Variants in UNC79 observed in about 807,000 individuals in gnomAD.
UNC79 encodes unc-79 subunit of NALCN channel complex.
UNC79 carries 37 observed loss-of-function variants against 283.1 expected under a neutral mutation model. That is an observed-to-expected ratio of 0.13 (90% CI 0.10 to 0.17). UNC79 has a LOEUF of 0.17. UNC79 is among the 10% of genes least tolerant of loss of function. The pLI is 1.00. For synonymous variants in UNC79, 1,107 were observed against 1,200.2 expected (o/e 0.92, Z 1.61); for missense variants, 2,272 against 3,211.1 (o/e 0.71, Z 7.07).
chr14:93,477,591 G>A (rs1439937764), exon 4 of UNC79: 1 of 1,609,010 alleles, frequency 6.2e-7, no homozygotes, highest in Non-Finnish European at 8.5e-7. Context: ...ACAACTACAT[G>A]TTTGCTACCT....
chr14:93,450,948 A>G (rs2056618812), intron 1 of UNC79, among the ~76,000 whole-genome samples: 2 of 151,884 alleles, frequency 1.3e-5, no homozygotes, highest in African/African-American at 4.8e-5. Flanking sequence ...CTTTTGCTGT[A>G]TTTTGGGGAA....
intron 1 of UNC79, among the ~76,000 whole-genome samples, chr14:93,393,572 T>G (rs2054928705): frequency 2.0e-5 from 3 of 152,206 alleles, no homozygotes; most frequent in Non-Finnish European, 4.4e-5. Context: ...GCCATTTTTC[T>G]AGGTGAAATT....
intron 1 of UNC79, among the ~76,000 whole-genome samples, chr14:93,421,675 T>C (rs2055602646): frequency 6.6e-6 from 1 of 150,816 alleles, no homozygotes. Context: ...TAGGCCAATA[T>C]CACTGATGAA....
At chr14:93,543,287 C>G (rs1323975241) in intron 14 of UNC79, among the ~76,000 whole-genome samples, 4 of 151,870 alleles carry the variant, frequency 2.6e-5, no homozygotes, top group Admixed American at 2.6e-4. Context: ...ACAAAATGCA[C>G]CTATTCCTCT....
intron 1 of UNC79, among the ~76,000 whole-genome samples, chr14:93,392,232 A>G (rs2054898493): frequency 6.6e-6 from 1 of 152,250 alleles, no homozygotes; most frequent in African/African-American, 2.4e-5. Context: ...ACAAAGGACT[A>G]CTGTACAGTA....
chr14:93,620,096 C>T (rs2067015364), intron 29 of UNC79, among the ~76,000 whole-genome samples: 1 of 152,172 alleles, frequency 6.6e-6, no homozygotes, highest in African/African-American at 2.4e-5. Context: ...GTTCAACAGG[C>T]ACTCAAAGTG....
chr14:93,468,234 T>C (rs993689459), intron 2 of UNC79, among the ~76,000 whole-genome samples: 4 of 152,184 alleles, frequency 2.6e-5, no homozygotes, highest in Non-Finnish European at 4.4e-5. Flanking sequence ...TTAATCTGGG[T>C]AACACTTCAC....
Position 93,551,339 on chromosome 14 carries a change from G to A in UNC79, c.1755+8643G>A, listed in dbSNP as rs534559159. The stretch of plus-strand genomic sequence containing the variant: ...GCTGGGATTACAGGCGTAAGCCACC[G>A]TGCCCGGCCAGGATTTATTTTTTTA... On this transcript the variant is annotated intron_variant, in intron 14 of 48. Transcript: ENST00000555664. 3.9e-5 allele frequency among the ~76,000 whole-genome samples: 6 copies of A among 152,324 alleles called. No individual in the cohort carries two copies. In the South Asian group the frequency reaches 1.0e-3, roughly 26 times the overall value.
intron 33 of UNC79, 70 bp downstream of exon 36, chr14:93,641,317 A>G: frequency 6.9e-7 from 1 of 1,449,540 alleles, no homozygotes; most frequent in Non-Finnish European, 9.5e-7. Context: ...GTGGTGAGAA[A>G]GTTTCAGAAA....
intron 40 of UNC79, among the ~76,000 whole-genome samples, chr14:93,669,728 A>C (rs1213801708): frequency 6.6e-6 from 1 of 152,150 alleles, no homozygotes; most frequent in Non-Finnish European, 1.5e-5. Flanking sequence ...GCATGCCTGT[A>C]GTTCCAGCTA....
At chr14:93,607,410 G>A (rs1015991096) in intron 26 of UNC79, among the ~76,000 whole-genome samples, 1 of 152,252 alleles carries the variant, frequency 6.6e-6, no homozygotes. Flanking sequence ...TTCTGCTTTG[G>A]TGATTGCTTA....
chr14:93,364,174 G>A (rs1566893863), intron 1 of UNC79, among the ~76,000 whole-genome samples: 1 of 152,120 alleles, frequency 6.6e-6, no homozygotes, highest in Non-Finnish European at 1.5e-5. Flanking sequence ...CACAAAGTTA[G>A]TATACCCATG....
intron 1 of UNC79, among the ~76,000 whole-genome samples, chr14:93,343,760 G>C (rs1595366896): frequency 6.6e-6 from 1 of 152,140 alleles, no homozygotes; most frequent in South Asian, 2.1e-4. Flanking sequence ...GTGGGCGAGG[G>C]TGTCTTTCTC....
rs532781491 is a variant in UNC79, at chr14:93,683,264, A to G, written c.6819+570A>G. Among the ~76,000 whole-genome samples, 81 of 152,296 alleles carry G rather than the reference A, an allele frequency of 5.3e-4. 1 individual carries two copies. The South Asian group carries it at 0.017, about 31-fold the overall frequency. On this transcript the variant is annotated intron_variant, in intron 42 of 48. Coordinates refer to ENST00000555664, the Ensembl canonical transcript of UNC79. ...AAATGGGTATCCTGATTAGTAGGGA[A>G]AGGGGGATTTCCACGTGCATACTCG...
rs61992606 is a variant in UNC79, at chr14:93,477,652, G to T, written c.543G>T (p.Thr181=). 7 of 1,612,834 alleles carry T rather than the reference G, an allele frequency of 4.3e-6. No individual in the cohort carries two copies. In the South Asian group the frequency reaches 4.4e-5, roughly 10 times the overall value. The change falls in exon 4 of 49, where the codon ACG becomes ACT. Residue 181 remains threonine (T), a synonymous_variant. Transcript: ENST00000555664. ...CTTTGCCCTACACGATGATATCAAC[G>T]TTGGCTACCTTTCCTCCATTTCTGC...
intron 47 of UNC79, among the ~76,000 whole-genome samples, chr14:93,695,505 A>G (rs913674407): frequency 4.6e-5 from 7 of 152,194 alleles, no homozygotes; most frequent in African/African-American, 1.7e-4. Context: ...CATATGGCAA[A>G]TGGTACATAT....
At chr14:93,479,782 C>T (rs1424426293) in intron 4 of UNC79, among the ~76,000 whole-genome samples, 3 of 152,092 alleles carry the variant, frequency 2.0e-5, no homozygotes, top group Non-Finnish European at 2.9e-5. Context: ...AAGGCCTCTA[C>T]CACCATGCCC....
intron 27 of UNC79, among the ~76,000 whole-genome samples, chr14:93,613,843 A>T (rs1279796464): frequency 6.6e-6 from 1 of 152,178 alleles, no homozygotes; most frequent in Non-Finnish European, 1.5e-5. Flanking sequence ...TTGTATCTTA[A>T]TGAAGAAATC....
chr14:93,383,117 G>A (rs1243009790), intron 1 of UNC79, among the ~76,000 whole-genome samples: 2 of 152,166 alleles, frequency 1.3e-5, no homozygotes, highest in East Asian at 1.9e-4. Context: ...CTTGAAAGAC[G>A]TCTTAGAGGA....
Sources: allele counts gnomAD v4.1 joint callset (sites outside exome capture counted in the v4.1 genomes callset), GRCh38; gene constraint gnomAD v4.1.1; transcripts MANE v1.5; gene names NCBI Gene and HGNC (gene_info 2026-07-23, HGNC 2026-07-21).